Variants in NELL2 observed in about 807,000 individuals in gnomAD.
NELL2 encodes neural EGFL like 2, also known as protein kinase C-binding protein NELL2.
A neutral mutation model predicts 109.6 loss-of-function variants in NELL2; 41 were observed. The observed-to-expected ratio is 0.37, with a 90% CI of 0.29 to 0.49. NELL2 has a LOEUF of 0.49. Ranked by LOEUF, NELL2 falls within the 20% of genes least tolerant of loss-of-function variation. NELL2 has a pLI of 0.98. For missense variants in NELL2, 900 were observed against 1,008.3 expected (o/e 0.89, Z 1.45); for synonymous variants, 355 against 344.7 (o/e 1.03, Z -0.33).
At chr12:44,781,026 G>A (rs1412851511) in intron 3 of NELL2, among the ~76,000 whole-genome samples, 2 of 151,946 alleles carry the variant, frequency 1.3e-5, no homozygotes, top group African/African-American at 4.8e-5. Context: ...AAGAAGCAAA[G>A]AAATCTCCAA....
Position 44,678,559 on chromosome 12 carries a change from C to T in NELL2, c.1319-12950G>A, listed in dbSNP as rs573118912. 2.4e-3 allele frequency among the ~76,000 whole-genome samples: 363 copies of T among 152,122 alleles called. 2 individuals carry two copies. Among genetic ancestry groups the T allele is most frequent in the Non-Finnish European group, 3.9e-3 (267 of 67,976 alleles). On this transcript the variant is annotated intron_variant, in intron 12 of 19. Coordinates refer to ENST00000429094, the MANE Select transcript of NELL2 (RefSeq NM_001145108.2). The stretch of plus-strand genomic sequence containing the variant: ...TGTACCAAGATGTAATAGGTATTTT[C>T]TTGGCTGAATATCATCTTAACCTGT...
intron 2 of NELL2, among the ~76,000 whole-genome samples, chr12:44,861,112 T>G (rs1944828533): frequency 6.6e-6 from 1 of 152,074 alleles, no homozygotes; most frequent in Non-Finnish European, 1.5e-5. Context: ...AGCACCTGGG[T>G]GTGGCACAGA....
intron 9 of NELL2, chr12:44,774,526 A>T: frequency 1.9e-6 from 1 of 522,448 alleles, no homozygotes; most frequent in Non-Finnish European, 3.4e-6. Context: ...CACTATATGG[A>T]ATAGATTACT....
In NELL2 at chr12:44,540,708, C is replaced by T. The variant is rs539859386; in HGVS notation, c.1664-7987G>A. Among the ~76,000 whole-genome samples the T allele has an allele frequency of 3.0e-4, 39 of 131,196 alleles. 1 individual carries two copies. The highest frequency in any genetic ancestry group is 5.0e-4 in the Non-Finnish European group (32 of 64,646). 86.1% of individuals were successfully genotyped at this position (131,196 alleles called of 152,430 possible). A position where few individuals can be genotyped will look rare whatever the true frequency, so the allele number is the denominator to read the frequency against. On this transcript the variant is annotated intron_variant, in intron 15 of 19. Transcript: ENST00000429094. ...CTATTGTTTGAATCAAAGTCCCCTG[C>T]ATTTCAGTCTTTAGATATCTTGAAG...
rs777400366 is a variant in NELL2, at chr12:44,522,180, T to C, written c.1999-4A>G. ...GTCGACACATAACGAATCCATTCTGTATGAAAAAGAAAAAAAGCAGTTACC... is the reference window on the plus strand; with the variant it reads ...GTCGACACATAACGAATCCATTCTGCATGAAAAAGAAAAAAAGCAGTTACC... On this transcript the variant is annotated splice_polypyrimidine_tract_variant and splice_region_variant and intron_variant, in intron 17 of 19. Coordinates refer to ENST00000429094, the MANE Select transcript of NELL2 (RefSeq NM_001145108.2). 1.2e-5 allele frequency: 20 copies of C among 1,610,558 alleles called. No individual in the cohort carries two copies. The highest frequency in any genetic ancestry group is 1.5e-5 in the Non-Finnish European group (18 of 1,178,608).
chr12:44,798,449 G>A (rs1198822415), intron 3 of NELL2, among the ~76,000 whole-genome samples: 1 of 151,832 alleles, frequency 6.6e-6, no homozygotes, highest in African/African-American at 2.4e-5. Context: ...CAATTAAAAT[G>A]ACATCAAAAT....
chr12:44,676,601 A>G (rs182234700), intron 12 of NELL2, among the ~76,000 whole-genome samples: 126 of 152,244 alleles, frequency 8.3e-4, no homozygotes, highest in Middle Eastern at 3.4e-3. Flanking sequence ...TCATTTTGTA[A>G]TTTCATTCAT....
At chr12:44,797,400 C>A (rs1037783107) in intron 3 of NELL2, among the ~76,000 whole-genome samples, 1 of 151,950 alleles carries the variant, frequency 6.6e-6, no homozygotes, top group African/African-American at 2.4e-5. Context: ...ATGCACATAG[C>A]AGATGTGCAA....
chr12:44,794,901 G>T (rs934086732), intron 3 of NELL2, among the ~76,000 whole-genome samples: 1 of 144,900 alleles, frequency 6.9e-6, no homozygotes, highest in Non-Finnish European at 1.5e-5. Flanking sequence ...AACATATCTT[G>T]TCTCCCTGAT....
chr12:44,916,921 G>T (rs1321887884), upstream of NELL2, among the ~76,000 whole-genome samples: 1 of 152,000 alleles, frequency 6.6e-6, no homozygotes, highest in Non-Finnish European at 1.5e-5. Context: ...CCTACAAAAT[G>T]GTCCATTTCA....
intron 15 of NELL2, among the ~76,000 whole-genome samples, chr12:44,606,389 AG>A (rs973240766): frequency 8.5e-5 from 13 of 152,130 alleles, no homozygotes; most frequent in Admixed American, 5.9e-4. Context: ...GTCAATTGCC[AG>A]TGGCAGAAGC....
At chr12:44,817,810 C>T (rs1265624992) in intron 2 of NELL2, among the ~76,000 whole-genome samples, 1 of 152,074 alleles carries the variant, frequency 6.6e-6, no homozygotes, top group Admixed American at 6.5e-5. Flanking sequence ...CAAAAAACTC[C>T]CTATTTGCCA....
intron 1 of NELL2, chr12:44,921,740 G>A (rs1198795137): frequency 6.6e-6 from 1 of 152,078 alleles, no homozygotes; most frequent in Non-Finnish European, 1.5e-5. Flanking sequence ...CAATATTAGT[G>A]ACCCTCCCAC....
At chr12:44,875,566 T>C in intron 1 of NELL2, 1 of 1,613,734 alleles carries the variant, frequency 6.2e-7, no homozygotes, top group South Asian at 1.1e-5. Flanking sequence ...CATGACCTCC[T>C]TTAAACCCTT....
At chr12:44,740,312 C>G (rs568468099) in intron 9 of NELL2, among the ~76,000 whole-genome samples, 1 of 152,196 alleles carries the variant, frequency 6.6e-6, no homozygotes, top group African/African-American at 2.4e-5. Context: ...GTACTTGTAT[C>G]TGGATATAAT....
intron 13 of NELL2, among the ~76,000 whole-genome samples, chr12:44,617,044 T>A (rs547185304): frequency 8.4e-4 from 128 of 152,232 alleles, no homozygotes; most frequent in African/African-American, 2.7e-3. Context: ...AATTTCTGGT[T>A]TTAGGTCTAT....
At chr12:44,825,424 T>C (rs994087291) in intron 2 of NELL2, among the ~76,000 whole-genome samples, 6 of 131,120 alleles carry the variant, frequency 4.6e-5, no homozygotes, top group African/African-American at 1.7e-4. Flanking sequence ...TGAGACAGAG[T>C]CTTGCTCTGT....
chr12:44,520,337 A>G (rs1179407552), intron 18 of NELL2, 108 bp from the exon 19 acceptor site: 2 of 786,974 alleles, frequency 2.5e-6, no homozygotes, highest in Admixed American at 5.8e-5. Context: ...CAATTATTTG[A>G]TTGATATTTA....
chr12:44,589,531 G>A (rs868721527), intron 15 of NELL2, among the ~76,000 whole-genome samples: 3 of 152,002 alleles, frequency 2.0e-5, no homozygotes, highest in South Asian at 2.1e-4. Flanking sequence ...CTACAGGCAC[G>A]TACCACCTCC....
Sources: gnomAD v4.1 joint callset for allele counts (sites outside exome capture counted in the v4.1 genomes callset) on GRCh38, gnomAD v4.1.1 for gene constraint, MANE v1.5 for transcripts, NCBI Gene and HGNC (gene_info 2026-07-23, HGNC 2026-07-21) for gene names.